The following LINGO2 variants were observed in gnomAD, a reference collection of about 807,000 sequenced individuals.
The protein encoded by LINGO2 is leucine-rich repeat and immunoglobulin-like domain-containing nogo receptor-interacting protein 2.
In LINGO2, 14 loss-of-function variants were observed where a neutral mutation model predicts 30.6. The ratio of observed to expected loss-of-function variants is 0.46; its 90% CI spans 0.30 to 0.72. The LOEUF (loss-of-function observed/expected upper bound fraction) is 0.72, where lower values mean the gene tolerates loss of function less well. Ranked by LOEUF, LINGO2 falls within the 30% of genes least tolerant of loss-of-function variation. The pLI, the probability that LINGO2 is intolerant of heterozygous loss-of-function variation, is 0.07. For synonymous variants in LINGO2, 317 were observed against 288.5 expected (o/e 1.10, Z -1.00); for missense variants, 729 against 751.7 (o/e 0.97, Z 0.35).
At chr9:29,207,015 A>ATGTG in the LINGO2 span, among the ~76,000 whole-genome samples, 5 of 150,116 alleles carry the variant, frequency 3.3e-5, no homozygotes, top group Admixed American at 2.0e-4. Context: ...ATCAGGCTAT[A>ATGTG]TGTGTGTGTG....
chr9:28,287,299 C>T (rs969615165), intron 4 of LINGO2, among the ~76,000 whole-genome samples: 14 of 152,188 alleles, frequency 9.2e-5, no homozygotes, highest in Non-Finnish European at 1.3e-4. Context: ...AAATGATGCT[C>T]TGAGTTAGGA....
intron 4 of LINGO2, among the ~76,000 whole-genome samples, chr9:28,263,221 T>G (rs1317344263): frequency 6.6e-6 from 1 of 152,004 alleles, no homozygotes; most frequent in East Asian, 1.9e-4. Flanking sequence ...CTCCTGCAAC[T>G]TCTTGTCTCT....
chr9:27,980,655 C>G (rs1197719896), intron 5 of LINGO2, among the ~76,000 whole-genome samples: 3 of 151,880 alleles, frequency 2.0e-5, no homozygotes, highest in African/African-American at 7.2e-5. Flanking sequence ...TGTTGGTATG[C>G]TGTTCATTTC....
intron 1 of LINGO2, among the ~76,000 whole-genome samples, chr9:28,623,231 T>A (rs1283857500): frequency 3.3e-5 from 5 of 152,072 alleles, no homozygotes; most frequent in Admixed American, 3.3e-4. Flanking sequence ...TTTTGTTGTT[T>A]GTGCTTGTGG....
At chr9:29,008,681 T>C in the LINGO2 span, among the ~76,000 whole-genome samples, 1 of 152,184 alleles carries the variant, frequency 6.6e-6, no homozygotes, top group Non-Finnish European at 1.5e-5. Context: ...TGGCCAGCGA[T>C]GATGAGCATT....
At chr9:28,984,799 A>C in the LINGO2 span, among the ~76,000 whole-genome samples, 3 of 152,132 alleles carry the variant, frequency 2.0e-5, no homozygotes, top group Non-Finnish European at 2.9e-5. Context: ...ATTCATGAAT[A>C]CAATGTGGAA....
chr9:28,584,315 T>C (rs142143249), intron 1 of LINGO2, among the ~76,000 whole-genome samples: 12 of 152,240 alleles, frequency 7.9e-5, no homozygotes, highest in African/African-American at 2.6e-4. Context: ...CTGTTGGCTC[T>C]CTTTAACAAA....
intron 2 of LINGO2, among the ~76,000 whole-genome samples, chr9:28,393,945 G>A (rs1346127564): frequency 6.6e-6 from 1 of 152,120 alleles, no homozygotes; most frequent in East Asian, 1.9e-4. Flanking sequence ...TTCCCCAGCA[G>A]GATTCAATCT....
chr9:28,278,367 T>C (rs1363190240), intron 4 of LINGO2, among the ~76,000 whole-genome samples: 1 of 152,178 alleles, frequency 6.6e-6, no homozygotes, highest in African/African-American at 2.4e-5. Flanking sequence ...TGGCCTTATT[T>C]TGGAAGAAGG....
intron 4 of LINGO2, among the ~76,000 whole-genome samples, chr9:28,055,775 C>G (rs923389472): frequency 1.2e-4 from 19 of 152,232 alleles, no homozygotes; most frequent in South Asian, 4.1e-4. Flanking sequence ...GTTCAAATTG[C>G]TATCTTTAGT....
At chr9:27,968,150 T>C (rs1025944759) in intron 5 of LINGO2, among the ~76,000 whole-genome samples, 29 of 152,064 alleles carry the variant, frequency 1.9e-4, no homozygotes, top group African/African-American at 6.8e-4. Flanking sequence ...GATGAGCAAA[T>C]GCAATACTAT....
the LINGO2 span, among the ~76,000 whole-genome samples, chr9:28,873,033 C>G: frequency 6.6e-6 from 1 of 152,036 alleles, no homozygotes; most frequent in Non-Finnish European, 1.5e-5. Flanking sequence ...ATTAGATAAT[C>G]TTTTGTTTAC....
At chr9:28,016,829 C>T (rs574850376) in intron 4 of LINGO2, among the ~76,000 whole-genome samples, 4 of 152,100 alleles carry the variant, frequency 2.6e-5, no homozygotes, top group East Asian at 1.9e-4. Context: ...GACTTCTCCT[C>T]GACTCATTCT....
chr9:28,736,850 C>T, the LINGO2 span, among the ~76,000 whole-genome samples: 1 of 152,002 alleles, frequency 6.6e-6, no homozygotes, highest in Non-Finnish European at 1.5e-5. Flanking sequence ...AAGTAATTTT[C>T]CTAGTAGATG....
intron 4 of LINGO2, among the ~76,000 whole-genome samples, chr9:28,055,523 G>T (rs1824888409): frequency 6.6e-6 from 1 of 152,172 alleles, no homozygotes; most frequent in Admixed American, 6.5e-5. Flanking sequence ...AGGTACTTCT[G>T]TGGATTGGCT....
At chr9:29,001,779 C>T in the LINGO2 span, among the ~76,000 whole-genome samples, 6 of 151,428 alleles carry the variant, frequency 4.0e-5, no homozygotes, top group African/African-American at 1.5e-4. Flanking sequence ...TACTATATTG[C>T]ATATATATAT....
intron 4 of LINGO2, among the ~76,000 whole-genome samples, chr9:28,279,217 C>T (rs549912265): frequency 6.6e-6 from 1 of 152,118 alleles, no homozygotes; most frequent in African/African-American, 2.4e-5. Flanking sequence ...GGTGAACATG[C>T]TGTGAACATT....
intron 1 of LINGO2, among the ~76,000 whole-genome samples, chr9:28,562,224 T>C (rs565220187): frequency 3.3e-5 from 5 of 152,152 alleles, no homozygotes; most frequent in Admixed American, 1.3e-4. Context: ...ATAGAAGGTC[T>C]ACTTTTTTCT....
chr9:28,462,017 ATC>A (rs1490267570), intron 2 of LINGO2, among the ~76,000 whole-genome samples: 1 of 152,132 alleles, frequency 6.6e-6, no homozygotes, highest in East Asian at 1.9e-4. Context: ...TTGAAGCATC[ATC>A]TGTCTCCTTT....
Sources: allele counts gnomAD v4.1 joint callset (sites outside exome capture counted in the v4.1 genomes callset), GRCh38; gene constraint gnomAD v4.1.1; transcripts MANE v1.5; gene names NCBI Gene and HGNC (gene_info 2026-07-23, HGNC 2026-07-21).